The following MICU3 variants were observed in gnomAD, a reference collection of about 807,000 sequenced individuals.
MICU3 encodes the protein mitochondrial calcium uptake 3, also known as calcium uptake protein 3, mitochondrial.
In MICU3, 62 loss-of-function variants were observed where a neutral mutation model predicts 66.5. That is an observed-to-expected ratio of 0.93 (90% CI 0.76 to 1.15). The LOEUF (loss-of-function observed/expected upper bound fraction) is 1.15. MICU3 is among the 50% of genes most tolerant of loss of function. MICU3 has a pLI of 0.00. For missense variants in MICU3, 779 were observed against 664.4 expected (o/e 1.17, Z -1.90); for synonymous variants, 308 against 240.7 (o/e 1.28, Z -2.59).
the MICU3 span, among the ~76,000 whole-genome samples, chr8:17,130,303 C>A: frequency 4.6e-5 from 7 of 151,972 alleles, no homozygotes; most frequent in African/African-American, 1.7e-4. Context: ...GGCGGTGGGT[C>A]GCCTGAGGGT....
intron 3 of MICU3, among the ~76,000 whole-genome samples, chr8:17,072,384 CA>C (rs1663605306): frequency 1.3e-5 from 2 of 151,376 alleles, no homozygotes; most frequent in Admixed American, 1.3e-4. Context: ...AAACTAATTT[CA>C]GATGGATTAA....
chr8:17,081,772 G>T, intron 5 of MICU3, 32 bp downstream of exon 5: 1 of 881,918 alleles, frequency 1.1e-6, no homozygotes, highest in East Asian at 3.0e-5. Context: ...ATTTCTGGAT[G>T]CAGCTTTATT....
At chr8:17,095,950 G>T (rs1481853963) in intron 8 of MICU3, among the ~76,000 whole-genome samples, 1 of 151,952 alleles carries the variant, frequency 6.6e-6, no homozygotes, top group East Asian at 1.9e-4. Flanking sequence ...AGCAAAAAAT[G>T]TGTCACACTT....
At chr8:17,134,697 G>T in the MICU3 span, among the ~76,000 whole-genome samples, 7 of 152,080 alleles carry the variant, frequency 4.6e-5, no homozygotes, top group Admixed American at 3.9e-4. Flanking sequence ...GCCCGCCTTG[G>T]CCTCCCAAAT....
At chr8:17,124,560 C>T (rs959017305), downstream of MICU3, among the ~76,000 whole-genome samples, 4 of 152,000 alleles carry the variant, frequency 2.6e-5, no homozygotes, top group Non-Finnish European at 2.9e-5. Context: ...TCTAGGATCT[C>T]CCCTCTCTCT....
intron 13 of MICU3, among the ~76,000 whole-genome samples, chr8:17,117,661 T>A (rs1218301721): frequency 6.8e-6 from 1 of 147,384 alleles, no homozygotes; most frequent in Non-Finnish European, 1.5e-5. Context: ...CAGGCTGGAG[T>A]GCAGTGGCGC....
At chr8:17,097,736 A>G (rs1028590743) in intron 8 of MICU3, among the ~76,000 whole-genome samples, 4 of 151,610 alleles carry the variant, frequency 2.6e-5, no homozygotes, top group African/African-American at 9.7e-5. Context: ...ATTTTTGTTT[A>G]TGGGGATCCA....
At chr8:17,042,604 A>T (rs1429665488) in intron 1 of MICU3, among the ~76,000 whole-genome samples, 1 of 152,206 alleles carries the variant, frequency 6.6e-6, no homozygotes, top group Non-Finnish European at 1.5e-5. Flanking sequence ...TTTATTGGTT[A>T]CCATAGTAGT....
the MICU3 span, among the ~76,000 whole-genome samples, chr8:17,134,529 C>T: frequency 3.7e-4 from 56 of 152,120 alleles, no homozygotes; most frequent in Non-Finnish European, 6.9e-4. Context: ...CCTGCAAGCT[C>T]CACCTCCCAG....
chr8:17,048,484 A>C (rs966393675), intron 1 of MICU3, among the ~76,000 whole-genome samples: 1 of 152,232 alleles, frequency 6.6e-6, no homozygotes, highest in African/African-American at 2.4e-5. Flanking sequence ...TCACAAGAAC[A>C]GTGTGGGAAA....
rs3216862 is a variant in MICU3 at position 17,063,819 on chromosome 8, CA to C, written c.382-256del. On this transcript the variant is annotated intron_variant, in intron 1 of 14. Transcript: ENST00000318063. ...TAAGACTGAAGCTTAAGAAATAAAC[CA>C]AAAAAAAATCACAAATCACTTCTCC... 7.3e-5 allele frequency among the ~76,000 whole-genome samples: 11 copies of C among 150,424 alleles called. 1 individual carries two copies. Among genetic ancestry groups the C allele is most frequent in the East Asian group, 3.9e-4 (2 of 5,158 alleles).
intron 9 of MICU3, among the ~76,000 whole-genome samples, chr8:17,102,957 C>T (rs1801396283): frequency 6.6e-6 from 1 of 151,902 alleles, no homozygotes; most frequent in South Asian, 2.1e-4. Flanking sequence ...AAAATCTAAA[C>T]TATATTACTT....
intron 9 of MICU3, among the ~76,000 whole-genome samples, chr8:17,101,523 G>T (rs1801254867): frequency 6.6e-6 from 1 of 151,804 alleles, no homozygotes; most frequent in African/African-American, 2.4e-5. Context: ...ATAAGATTTT[G>T]ATGCTGAAAG....
chr8:17,113,769 CA>C (rs1415870969), intron 11 of MICU3, among the ~76,000 whole-genome samples: 1 of 151,022 alleles, frequency 6.6e-6, no homozygotes, highest in Non-Finnish European at 1.5e-5. Flanking sequence ...TAAAAAAAAT[CA>C]GGCATAAAAG....
At chr8:17,045,905 C>G (rs1032960019) in intron 1 of MICU3, among the ~76,000 whole-genome samples, 1 of 152,142 alleles carries the variant, frequency 6.6e-6, no homozygotes, top group Non-Finnish European at 1.5e-5. Context: ...AAGACCCGCC[C>G]CCATGATTCA....
At chr8:17,037,658 A>G (rs1490467296) in intron 1 of MICU3, among the ~76,000 whole-genome samples, 1 of 152,174 alleles carries the variant, frequency 6.6e-6, no homozygotes, top group Non-Finnish European at 1.5e-5. Context: ...TGGAACTGTG[A>G]CAAGAGGGCC....
At chr8:17,127,899 A>T in the MICU3 span, among the ~76,000 whole-genome samples, 500 of 152,224 alleles carry the variant, frequency 3.3e-3, 2 homozygotes, top group African/African-American at 0.012. Flanking sequence ...ATAATTTTTT[A>T]AAAAATCTAA....
the MICU3 span, among the ~76,000 whole-genome samples, chr8:17,134,518 C>T: frequency 6.6e-6 from 1 of 152,116 alleles, no homozygotes; most frequent in Non-Finnish European, 1.5e-5. Context: ...GATCTCTGCT[C>T]CCTGCAAGCT....
At chr8:17,101,448 C>G (rs971952798) in intron 9 of MICU3, among the ~76,000 whole-genome samples, 1 of 151,844 alleles carries the variant, frequency 6.6e-6, no homozygotes, top group Non-Finnish European at 1.5e-5. Flanking sequence ...TTTCATTTCT[C>G]TGATGTCACT....
Sources: gnomAD v4.1 joint callset for allele counts (sites outside exome capture counted in the v4.1 genomes callset) on GRCh38, gnomAD v4.1.1 for gene constraint, MANE v1.5 for transcripts, NCBI Gene and HGNC (gene_info 2026-07-23, HGNC 2026-07-21) for gene names.